PRDM16: variants seen among roughly 807,000 people sequenced by gnomAD.
PRDM16 encodes the protein histone-lysine N-methyltransferase PRDM16.
A neutral mutation model predicts 110.6 loss-of-function variants in PRDM16; 23 were observed. That is an observed-to-expected ratio of 0.21 (90% CI 0.15 to 0.29). The LOEUF is 0.29. Among genes scored for constraint, PRDM16 ranks in the 10% least tolerant of loss-of-function variants. The pLI is 1.00. For synonymous variants in PRDM16, 799 were observed against 781.8 expected (o/e 1.02, Z -0.37); for missense variants, 1,615 against 1,794.3 (o/e 0.90, Z 1.81).
chr1:3,295,444 C>T (rs891183215), intron 3 of PRDM16, among the ~76,000 whole-genome samples: 1 of 152,144 alleles, frequency 6.6e-6, no homozygotes, highest in African/African-American at 2.4e-5. Flanking sequence ...CCAGATCCCT[C>T]GAGGACCCCC....
intron 2 of PRDM16, among the ~76,000 whole-genome samples, chr1:3,229,929 A>G (rs1336565603): frequency 1.3e-5 from 2 of 152,180 alleles, no homozygotes; most frequent in Non-Finnish European, 2.9e-5. Context: ...GCAAGGAAAG[A>G]TGGTGCAAAA....
Position 3,186,349 on chromosome 1 carries a change from G to A in PRDM16, c.262G>A (p.Glu88Lys). The change falls in exon 2 of 17, where the codon GAG (glutamate) becomes AAG (lysine). Residue 88 changes from glutamate (E) to lysine (K), a missense_variant. Coordinates refer to ENST00000270722, the MANE Select transcript of PRDM16 (RefSeq NM_022114.4). ...IPIPADFELR[E>K]SSIPGAGLGV... ...GATCCCAGCAGACTTCGAGCTCCGAGAGTCCTCCATCCCAGGGGCTGGCCT... is the reference window on the plus strand; with the variant it reads ...GATCCCAGCAGACTTCGAGCTCCGAAAGTCCTCCATCCCAGGGGCTGGCCT... The A allele has an allele frequency of 6.2e-7, 1 of 1,612,432 alleles. No individual in the cohort carries two copies. Among genetic ancestry groups the A allele is most frequent in the Non-Finnish European group, 8.5e-7 (1 of 1,179,818 alleles).
In PRDM16 at chr1:3,339,686, G is replaced by A. The variant is rs1999526; in HGVS notation, c.439-45466G>A. 0.33 allele frequency among the ~76,000 whole-genome samples: 50,236 copies of A among 151,954 alleles called. 8,739 individuals are homozygous for A. The highest frequency in any genetic ancestry group is 0.56 in the East Asian group (2,885 of 5,130). ...TGGCTGCATTGTGTGTGTGGTGGGG[G>A]GTGTGCAGAGCTCAGTTACCCCATC... is the stretch of plus-strand genomic sequence containing the variant. On this transcript the variant is annotated intron_variant, in intron 3 of 16. Coordinates refer to ENST00000270722, the MANE Select transcript of PRDM16 (RefSeq NM_022114.4). This position sits in a 1 kb window ranked among gnomAD's most constrained non-coding sequence, Gnocchi z 5.0.
intron 1 of PRDM16, among the ~76,000 whole-genome samples, chr1:3,114,233 A>T (rs1642878313): frequency 1.4e-5 from 2 of 142,802 alleles, no homozygotes; most frequent in African/African-American, 5.3e-5. Context: ...ACACGCACAC[A>T]CGCAGTGTAA....
intron 1 of PRDM16, among the ~76,000 whole-genome samples, chr1:3,181,900 G>T (rs797001625): frequency 1.3e-4 from 12 of 89,612 alleles, no homozygotes; most frequent in African/African-American, 4.4e-4. Flanking sequence ...TCTTACACAC[G>T]GTCTTACACA....
Position 3,417,959 on chromosome 1 carries a change from C to T in PRDM16, c.2823C>T (p.Asp941=), listed in dbSNP as rs1638316968. 6.2e-7 allele frequency: 1 copy of T among 1,612,988 alleles called. No homozygotes were observed. Among genetic ancestry groups the T allele is most frequent in the Non-Finnish European group, 8.5e-7 (1 of 1,179,760 alleles). The change falls in exon 11 of 17, where the codon GAC becomes GAT. Residue 941 remains aspartate, a synonymous_variant. Coordinates refer to ENST00000270722, the MANE Select transcript of PRDM16 (RefSeq NM_022114.4). ...NFRSPPPTLS[D]PILRKGKERY... is the part of the protein sequence containing the mutation. ...GGTCCCCACCCCCAACGCTCTCCGA[C>T]CCCATCCTCAGGAAGGGCAAGGAGC...
intron 3 of PRDM16, among the ~76,000 whole-genome samples, chr1:3,328,945 C>T (rs1557613019): frequency 6.6e-6 from 1 of 152,294 alleles, no homozygotes; most frequent in East Asian, 1.9e-4. Context: ...CGGGGGAGGG[C>T]ACCAATGCTG....
intron 2 of PRDM16, among the ~76,000 whole-genome samples, chr1:3,238,390 T>C (rs538858929): frequency 8.5e-5 from 13 of 152,248 alleles, no homozygotes; most frequent in Admixed American, 1.3e-4. Context: ...CCTCCATTCA[T>C]TGGATGGATC....
intron 2 of PRDM16, among the ~76,000 whole-genome samples, chr1:3,241,292 G>C (rs1401667825): frequency 1.3e-5 from 2 of 152,238 alleles, no homozygotes; most frequent in African/African-American, 2.4e-5. Flanking sequence ...AGGGCAGCTG[G>C]GGGGGCTCTG....
At chr1:3,302,018 C>T (rs927590168) in intron 3 of PRDM16, among the ~76,000 whole-genome samples, 16 of 152,074 alleles carry the variant, frequency 1.1e-4, no homozygotes, top group East Asian at 3.9e-4. Context: ...TATAAGTAGA[C>T]GGTTCATTCT....
At chr1:3,094,745 C>T (rs1406890487) in intron 1 of PRDM16, among the ~76,000 whole-genome samples, 3 of 152,242 alleles carry the variant, frequency 2.0e-5, no homozygotes, top group East Asian at 3.9e-4. Flanking sequence ...TGCGCCGTTC[C>T]TGCTTAAATG....
chr1:3,185,621 C>T (rs1437199257), intron 1 of PRDM16, among the ~76,000 whole-genome samples: 1 of 152,238 alleles, frequency 6.6e-6, no homozygotes, highest in Non-Finnish European at 1.5e-5. Flanking sequence ...TCTGAGTCCT[C>T]CCAGGCACTT....
intron 1 of PRDM16, among the ~76,000 whole-genome samples, chr1:3,101,662 G>T (rs2993492): frequency 1.7e-4 from 26 of 152,214 alleles, no homozygotes; most frequent in Admixed American, 9.2e-4. Context: ...AGGCAGAGCC[G>T]GAAGCCACCA....
intron 3 of PRDM16, among the ~76,000 whole-genome samples, chr1:3,310,360 G>T (rs910946375): frequency 6.6e-6 from 1 of 152,100 alleles, no homozygotes; most frequent in Non-Finnish European, 1.5e-5. Flanking sequence ...AAGCGACCCG[G>T]TCACCGCCCC....
At chr1:3,135,747 A>G (rs1441862514) in intron 1 of PRDM16, among the ~76,000 whole-genome samples, 1 of 152,178 alleles carries the variant, frequency 6.6e-6, no homozygotes, top group Non-Finnish European at 1.5e-5. Flanking sequence ...ACCCCGAGAA[A>G]CAGGTATTCA....
At chr1:3,333,563 C>T (rs1010616359) in intron 3 of PRDM16, among the ~76,000 whole-genome samples, 2 of 152,198 alleles carry the variant, frequency 1.3e-5, no homozygotes, top group Non-Finnish European at 2.9e-5. Flanking sequence ...TGAGCACAGA[C>T]GTCTCTCCTC....
chr1:3,299,201 G>A (rs984347390), intron 3 of PRDM16, among the ~76,000 whole-genome samples: 1 of 151,036 alleles, frequency 6.6e-6, no homozygotes, highest in South Asian at 2.1e-4. Context: ...TCCCAGTCGT[G>A]GTGGCTCTGC....
intron 1 of PRDM16, among the ~76,000 whole-genome samples, chr1:3,169,806 G>C (rs1644004621): frequency 6.6e-6 from 1 of 152,190 alleles, no homozygotes; most frequent in African/African-American, 2.4e-5. Flanking sequence ...CCGAGCCTCG[G>C]GCCCTCTCCC....
Position 3,173,683 on chromosome 1 carries a change from C to T in PRDM16, c.38-12442C>T, listed in dbSNP as rs560536482. On this transcript the variant is annotated intron_variant, in intron 1 of 16. Transcript: ENST00000270722. ...GCTGCGCAGAGGCTGGGGCTGTTTG[C>T]CCTTCCCCTTGGCAGCGGATGTGCT... Among the ~76,000 whole-genome samples the T allele has an allele frequency of 2.5e-3, 375 of 152,358 alleles. 2 individuals carry two copies. Among genetic ancestry groups the T allele is most frequent in the African/African-American group, 8.5e-3 (352 of 41,586 alleles).
Sources: allele counts gnomAD v4.1 joint callset (sites outside exome capture counted in the v4.1 genomes callset), GRCh38; gene constraint gnomAD v4.1.1; non-coding constraint Gnocchi (gnomAD v3.1); transcripts MANE v1.5; gene names NCBI Gene and HGNC (gene_info 2026-07-23, HGNC 2026-07-21).